The following DIS3L2 variants were observed in gnomAD, a reference collection of about 807,000 sequenced individuals.
The protein encoded by DIS3L2 is DIS3 like 3'-5' exoribonuclease 2.
DIS3L2 carries 34 observed loss-of-function variants against 97.5 expected under a neutral mutation model. The observed-to-expected ratio is 0.35, with a 90% CI of 0.27 to 0.46. The LOEUF (loss-of-function observed/expected upper bound fraction) is 0.46. DIS3L2 is among the 20% of genes least tolerant of loss of function. The probability of loss-of-function intolerance (pLI) is 1.00; values close to 1 mark genes in which losing one functional copy is unlikely to be tolerated. For missense variants in DIS3L2, 1,038 were observed against 1,146.0 expected (o/e 0.91, Z 1.36); for synonymous variants, 435 against 445.2 (o/e 0.98, Z 0.29).
intron 1 of DIS3L2, among the ~76,000 whole-genome samples, chr2:231,999,783 G>A (rs1281811109): frequency 1.3e-5 from 2 of 151,870 alleles, no homozygotes; most frequent in African/African-American, 4.8e-5. Flanking sequence ...ATTTCCTGCT[G>A]CCCTCTAATA....
At chr2:232,210,610 G>C (rs1464363214) in intron 10 of DIS3L2, among the ~76,000 whole-genome samples, 2 of 152,224 alleles carry the variant, frequency 1.3e-5, no homozygotes, top group African/African-American at 4.8e-5. Context: ...GGGTGAGAAT[G>C]AGAAATGTCC....
At chr2:232,333,088 G>GCCTCCTCCTCTTCCTCCTCCTCTT (rs544203612) in intron 16 of DIS3L2, among the ~76,000 whole-genome samples, 1 of 151,216 alleles carries the variant, frequency 6.6e-6, no homozygotes, top group Non-Finnish European at 1.5e-5. Context: ...ACCGCAGGCG[G>GCCTCCTCCTCTTCCTCCTCCTCTT]CCTCCTCCTC....
chr2:232,231,862 C>T (rs1186743555), intron 10 of DIS3L2, among the ~76,000 whole-genome samples: 2 of 152,170 alleles, frequency 1.3e-5, no homozygotes, highest in Non-Finnish European at 2.9e-5. Context: ...GTTCATGATC[C>T]GCATGTAGTA....
intron 6 of DIS3L2, among the ~76,000 whole-genome samples, chr2:232,088,477 G>A (rs913586921): frequency 2.0e-5 from 3 of 151,586 alleles, no homozygotes; most frequent in Non-Finnish European, 4.4e-5. Flanking sequence ...CAGGAGAATG[G>A]CGTGAACCTG....
chr2:232,004,806 TC>T (rs1694006739), intron 1 of DIS3L2, among the ~76,000 whole-genome samples: 1 of 152,190 alleles, frequency 6.6e-6, no homozygotes, highest in South Asian at 2.1e-4. Flanking sequence ...GCTCTTGAAT[TC>T]CTGGGCTCAA....
chr2:232,146,098 T>C (rs1690209008), intron 8 of DIS3L2, among the ~76,000 whole-genome samples: 1 of 152,174 alleles, frequency 6.6e-6, no homozygotes. Context: ...GGGTATATGC[T>C]TTGTGGGCCT....
At chr2:232,314,526 A>G (rs750437043) in intron 14 of DIS3L2, among the ~76,000 whole-genome samples, 4 of 152,146 alleles carry the variant, frequency 2.6e-5, no homozygotes, top group Non-Finnish European at 5.9e-5. Flanking sequence ...CAGCCCAAAT[A>G]CCCATGGATG....
At chr2:232,221,518 T>C (rs1328163433) in intron 10 of DIS3L2, among the ~76,000 whole-genome samples, 2 of 152,078 alleles carry the variant, frequency 1.3e-5, no homozygotes, top group Admixed American at 1.3e-4. Context: ...AAAAGAAAAA[T>C]TCCAGCTGGG....
intron 1 of DIS3L2, among the ~76,000 whole-genome samples, chr2:231,994,121 G>A (rs1271160326): frequency 2.8e-4 from 41 of 148,818 alleles, no homozygotes; most frequent in Non-Finnish European, 5.0e-4. Flanking sequence ...AGTTGTTCCA[G>A]CACTATTTGT....
intron 1 of DIS3L2, among the ~76,000 whole-genome samples, chr2:232,002,391 TA>T (rs906609490): frequency 2.3e-4 from 35 of 152,190 alleles, no homozygotes; most frequent in Non-Finnish European, 4.6e-4. Flanking sequence ...TTGCTTTTTC[TA>T]TTTTTGTGAA....
intron 1 of DIS3L2, among the ~76,000 whole-genome samples, chr2:232,003,848 T>C (rs1265950491): frequency 4.6e-5 from 7 of 152,214 alleles, no homozygotes; most frequent in Admixed American, 4.6e-4. Context: ...GTTTGAGGTA[T>C]TTCTTTTTAT....
In DIS3L2 at chr2:232,336,880, C is replaced by T. The variant is rs1343884804; in HGVS notation, c.*250C>T. On this transcript the variant is annotated 3_prime_UTR_variant, in exon 21 of 21. Transcript: ENST00000325385. Reference sequence around the variant, plus strand: ...GGCCCCAGTCCTCCTGGGAGGCTGGCCCCCCTTTTTTCTGGGCCCTACTGC... The same window carrying T: ...GGCCCCAGTCCTCCTGGGAGGCTGGTCCCCCTTTTTTCTGGGCCCTACTGC... 1 of 1,325,800 alleles carries T rather than the reference C, an allele frequency of 7.5e-7. No homozygotes were observed. The highest frequency in any genetic ancestry group is 9.6e-7 in the Non-Finnish European group (1 of 1,038,120). The allele number at this position is 1,325,800 out of a possible 1,614,324, so 82.1% of individuals were successfully genotyped here.
chr2:232,181,952 G>T (rs889633937), intron 9 of DIS3L2, among the ~76,000 whole-genome samples: 2 of 151,840 alleles, frequency 1.3e-5, no homozygotes, highest in African/African-American at 4.8e-5. Flanking sequence ...GTGCCCGGGC[G>T]CCTGGCTAAT....
intron 5 of DIS3L2, among the ~76,000 whole-genome samples, chr2:232,075,257 A>T (rs1480498181): frequency 1.3e-5 from 2 of 152,152 alleles, no homozygotes; most frequent in East Asian, 3.8e-4. Context: ...AGATGGAGAT[A>T]CTCATTCTCC....
chr2:232,330,721 A>G lies in DIS3L2; in HGVS notation c.1955A>G (p.Lys652Arg), dbSNP rs943191449. ...CTGACCCAAACATTTGGAGATGACA[A>G]GTACTCACTGGCCCGCAAGGAGGTG... ...KSLTQTFGDD[K>R]YSLARKEVLT... Residue 652 changes from lysine to arginine, a missense_variant, in exon 16 of 21, where the codon AAG (lysine) becomes AGG (arginine). By Grantham distance (26) the Lys-to-Arg change is conservative. Around this residue, in one of 3 missense-constraint regions of DIS3L2, gnomAD observed 813 missense variants for 880.1 expected, o/e 0.92. Transcript: ENST00000325385. 5 of 1,613,910 alleles carry G rather than the reference A, an allele frequency of 3.1e-6. No individual in the cohort carries two copies. The highest frequency in any genetic ancestry group is 4.5e-5 in the East Asian group (2 of 44,880).
intron 12 of DIS3L2, among the ~76,000 whole-genome samples, chr2:232,251,357 C>T (rs2106266880): frequency 6.6e-6 from 1 of 152,208 alleles, no homozygotes; most frequent in East Asian, 1.9e-4. Flanking sequence ...AAAAAGAGCT[C>T]TTGGGAATTA....
chr2:232,024,129 C>G, intron 3 of DIS3L2, 148 bp from the exon 4 acceptor site: 1 of 537,920 alleles, frequency 1.9e-6, no homozygotes, highest in Non-Finnish European at 3.3e-6. Context: ...AATTGTGTTT[C>G]CTGCATTTAA....
At chr2:232,003,290 C>T (rs1693958995) in intron 1 of DIS3L2, among the ~76,000 whole-genome samples, 1 of 152,122 alleles carries the variant, frequency 6.6e-6, no homozygotes, top group South Asian at 2.1e-4. Context: ...TGAGTCTTCT[C>T]CTCATTGTAC....
At chr2:232,340,318 G>A (rs1029850094), downstream of DIS3L2, among the ~76,000 whole-genome samples, 7 of 152,314 alleles carry the variant, frequency 4.6e-5, no homozygotes, top group Admixed American at 3.3e-4. Context: ...TGCACCACGG[G>A]ACCCCCAGCT....
Sources: allele counts gnomAD v4.1 joint callset (sites outside exome capture counted in the v4.1 genomes callset), GRCh38; gene constraint gnomAD v4.1.1; regional missense constraint gnomAD v4.1.1; transcripts MANE v1.5; gene names NCBI Gene and HGNC (gene_info 2026-07-23, HGNC 2026-07-21).